GPC6: variants seen among roughly 807,000 people sequenced by gnomAD.
The protein encoded by GPC6 is glypican 6.
GPC6 carries 14 observed loss-of-function variants against 55.2 expected under a neutral mutation model. The ratio of observed to expected loss-of-function variants is 0.25; its 90% CI spans 0.17 to 0.40. The LOEUF (loss-of-function observed/expected upper bound fraction) is 0.40, where lower values mean the gene tolerates loss of function less well. Among genes scored for constraint, GPC6 ranks in the 10% least tolerant of loss-of-function variants. GPC6 has a pLI of 1.00. For synonymous variants in GPC6, 278 were observed against 259.6 expected, an observed-to-expected ratio of 1.07 and a Z score of -0.68; for missense variants, 641 against 708.5, an observed-to-expected ratio of 0.90 and a Z score of 1.08.
intron 1 of GPC6, among the ~76,000 whole-genome samples, chr13:93,317,991 C>G (rs1313384650): frequency 6.6e-6 from 1 of 152,114 alleles, no homozygotes. Context: ...CCTCTTGTCC[C>G]GTCAAACATA....
At chr13:94,248,300 G>A (rs966298745) in intron 4 of GPC6, among the ~76,000 whole-genome samples, 2 of 152,146 alleles carry the variant, frequency 1.3e-5, no homozygotes, top group South Asian at 2.1e-4. Flanking sequence ...CAACATCTAC[G>A]TTTGGATGAA....
At chr13:93,586,668 A>T (rs1345088638) in intron 2 of GPC6, among the ~76,000 whole-genome samples, 2 of 152,208 alleles carry the variant, frequency 1.3e-5, no homozygotes, top group Admixed American at 6.5e-5. Flanking sequence ...AAACCCTGGG[A>T]GACAACCTAT....
chr13:93,898,966 T>TACAC (rs1555340187), intron 3 of GPC6, among the ~76,000 whole-genome samples: 8 of 137,094 alleles, frequency 5.8e-5, no homozygotes, highest in African/African-American at 2.1e-4. Flanking sequence ...TATATATATA[T>TACAC]ACACACACAT....
intron 3 of GPC6, among the ~76,000 whole-genome samples, chr13:94,010,948 G>A (rs1289128601): frequency 1.3e-5 from 2 of 152,068 alleles, no homozygotes; most frequent in Non-Finnish European, 2.9e-5. Flanking sequence ...CAATAGAAAT[G>A]GACAAGAGCA....
At chr13:93,380,741 G>A (rs923056133) in intron 1 of GPC6, among the ~76,000 whole-genome samples, 10 of 152,090 alleles carry the variant, frequency 6.6e-5, no homozygotes, top group African/African-American at 2.4e-4. Flanking sequence ...TGCACTATAT[G>A]CCTCTACTTT....
intron 3 of GPC6, among the ~76,000 whole-genome samples, chr13:93,907,105 A>G (rs571856602): frequency 1.4e-4 from 21 of 152,294 alleles, no homozygotes; most frequent in African/African-American, 4.6e-4. Context: ...ATAAAAATCT[A>G]CAAGTTTCTT....
chr13:94,361,444 G>C (rs890034177), intron 6 of GPC6, among the ~76,000 whole-genome samples: 56 of 152,328 alleles, frequency 3.7e-4, no homozygotes, highest in African/African-American at 1.2e-3. Context: ...GACAGGGACT[G>C]TTTCTAACTT....
chr13:94,109,575 G>A (rs1006359257), intron 4 of GPC6, among the ~76,000 whole-genome samples: 2 of 152,100 alleles, frequency 1.3e-5, no homozygotes, highest in Admixed American at 1.3e-4. Context: ...GTCTTAAGTA[G>A]TTGTCGAATT....
intron 1 of GPC6, among the ~76,000 whole-genome samples, chr13:93,336,093 A>AG (rs1880036199): frequency 6.6e-6 from 1 of 152,222 alleles, no homozygotes; most frequent in South Asian, 2.1e-4. Flanking sequence ...ATCATAAAAA[A>AG]GTGTTTAACA....
intron 2 of GPC6, among the ~76,000 whole-genome samples, chr13:93,563,651 A>G (rs932052169): frequency 6.6e-6 from 1 of 152,208 alleles, no homozygotes; most frequent in African/African-American, 2.4e-5. Context: ...ACTAAAGAGT[A>G]GCAAGTATAG....
chr13:93,535,293 A>G (rs1280283401), intron 1 of GPC6, among the ~76,000 whole-genome samples: 3 of 152,206 alleles, frequency 2.0e-5, no homozygotes, highest in South Asian at 4.1e-4. Flanking sequence ...TCATTGTTAT[A>G]TCAAATACTT....
intron 2 of GPC6, among the ~76,000 whole-genome samples, chr13:93,666,528 A>G (rs1881143534): frequency 6.6e-6 from 1 of 152,200 alleles, no homozygotes; most frequent in Non-Finnish European, 1.5e-5. Context: ...ATATATATAA[A>G]GCATCTAGCA....
At chr13:93,510,076 T>C (rs74108573) in intron 1 of GPC6, among the ~76,000 whole-genome samples, 7,271 of 152,228 alleles carry the variant, frequency 0.048, 579 homozygotes, top group African/African-American at 0.17. Context: ...AATTAAACAT[T>C]ATGTCTGTCT....
intron 4 of GPC6, among the ~76,000 whole-genome samples, chr13:94,060,400 C>A (rs1231182360): frequency 6.6e-6 from 1 of 152,142 alleles, no homozygotes; most frequent in African/African-American, 2.4e-5. Context: ...CAGTGACTGG[C>A]AGGCACATAG....
intron 3 of GPC6, among the ~76,000 whole-genome samples, chr13:93,861,648 G>A (rs1212248166): frequency 1.3e-5 from 2 of 151,530 alleles, no homozygotes; most frequent in Non-Finnish European, 1.5e-5. Flanking sequence ...GGTTTACTCT[G>A]CGCTGTCTTT....
At chr13:94,128,469 T>A (rs1886898444) in intron 4 of GPC6, among the ~76,000 whole-genome samples, 2 of 152,166 alleles carry the variant, frequency 1.3e-5, no homozygotes, top group South Asian at 2.1e-4. Context: ...ATTACATGCC[T>A]AATATGAGTC....
At chr13:94,359,610 CTT>C (rs1303394676) in intron 6 of GPC6, among the ~76,000 whole-genome samples, 1 of 151,728 alleles carries the variant, frequency 6.6e-6, no homozygotes, top group Non-Finnish European at 1.5e-5. Flanking sequence ...TTGAGGCTAA[CTT>C]GACACAAATC....
chr13:93,896,089 G>T (rs148140295), intron 3 of GPC6, among the ~76,000 whole-genome samples: 2 of 152,032 alleles, frequency 1.3e-5, no homozygotes, highest in Non-Finnish European at 2.9e-5. Flanking sequence ...TGAGGTGATA[G>T]CTACCCTAAT....
Position 93,356,620 on chromosome 13 carries a change from G to C in GPC6, c.160+129004G>C, listed in dbSNP as rs78356756. 8.0e-3 allele frequency among the ~76,000 whole-genome samples: 1,213 copies of C among 152,270 alleles called. 19 individuals are homozygous for C. Among genetic ancestry groups the C allele is most frequent in the African/African-American group, 0.028 (1,169 of 41,564 alleles). On this transcript the variant is annotated intron_variant, in intron 1 of 8. Coordinates refer to ENST00000377047, the MANE Select transcript of GPC6 (RefSeq NM_005708.5). ...AAAGTCACTCTAGTTGACTGAATGC[G>C]GTTGGTTATCATAGAGACTTACTTG...
Sources: allele counts gnomAD v4.1 joint callset (sites outside exome capture counted in the v4.1 genomes callset), GRCh38; gene constraint gnomAD v4.1.1; transcripts MANE v1.5; gene names NCBI Gene and HGNC (gene_info 2026-07-23, HGNC 2026-07-21).